The following GPD1 variants were observed in gnomAD, a reference collection of about 807,000 sequenced individuals.
GPD1 encodes glycerol-3-phosphate dehydrogenase [NAD(+)], cytoplasmic.
Under a neutral mutation model 34.4 loss-of-function variants are expected in GPD1, and 19 were observed. The observed-to-expected ratio is 0.55, with a 90% confidence interval of 0.39 to 0.81. The LOEUF is 0.81. GPD1 is among the 30% of genes least tolerant of loss of function. The probability of loss-of-function intolerance (pLI) is 0.00; values close to 1 mark genes in which losing one functional copy is unlikely to be tolerated. For synonymous variants in GPD1, 172 were observed against 174.1 expected (o/e 0.99, Z 0.09); for missense variants, 429 against 447.0 (o/e 0.96, Z 0.36).
chr12:50,108,316 G>C (rs1950998229), intron 7 of GPD1, among the ~76,000 whole-genome samples, 186 bp downstream of exon 7: 1 of 152,154 alleles, frequency 6.6e-6, no homozygotes, highest in Non-Finnish European at 1.5e-5. Flanking sequence ...GCTAGTTCAT[G>C]GTCTTTGAAC....
At chr12:50,107,901 T>C in intron 6 of GPD1, 101 bp downstream of exon 6, 1 of 1,037,408 alleles carries the variant, frequency 9.6e-7, no homozygotes, top group Non-Finnish European at 1.5e-6. Flanking sequence ...TTAAGACTGT[T>C]GTGCACATCC....
intron 3 of GPD1, 181 bp from the exon 4 acceptor site, chr12:50,106,107 C>A: frequency 1.6e-6 from 1 of 625,292 alleles, no homozygotes; most frequent in South Asian, 1.9e-5. Flanking sequence ...GGGTATGTGG[C>A]AGGACAGTTG....
At chr12:50,104,427 T>C (rs964630598) in intron 1 of GPD1, 147 bp from the exon 2 acceptor site, 1 of 734,482 alleles carries the variant, frequency 1.4e-6, no homozygotes, top group Non-Finnish European at 2.5e-6. Flanking sequence ...CACTGGGGAC[T>C]ATTTGTCATG....
Position 50,109,450 on chromosome 12 carries a change from G to C in GPD1, c.981G>C (p.Lys327Asn). The C allele has an allele frequency of 6.3e-7, 1 of 1,582,694 alleles. No homozygotes were observed. The highest frequency in any genetic ancestry group is 1.1e-5 in the South Asian group (1 of 90,532). The change falls in exon 8 of 8, where the codon AAG becomes AAC. Residue 327 changes from lysine to asparagine, a missense_variant. Transcript: ENST00000301149. ...DKFPLFMAVY[K>N]VCYEGQPVGE... is the part of the protein sequence containing the mutation. ...TTCCCTTGTTCATGGCTGTGTACAA[G>C]GTGTGCTACGAGGGCCAGCCAGTGG...
rs775222274 is a variant in GPD1, at chr12:50,104,577, C to T, written c.45C>T (p.Gly15=). ...KVCIVGSGNW[G]SAIAKIVGGN... ...CCTGTGCTCCCCCTCCCACCAGGGG[C>T]TCAGCCATCGCCAAGATCGTGGGTG... Residue 15 remains glycine (G), a synonymous_variant, in exon 2 of 8, where the codon GGC becomes GGT. Coordinates refer to ENST00000301149, the MANE Select transcript of GPD1 (RefSeq NM_005276.4). 1.9e-6 allele frequency: 3 copies of T among 1,612,576 alleles called. No individual in the cohort carries two copies. Among genetic ancestry groups the T allele is most frequent in the Non-Finnish European group, 2.5e-6 (3 of 1,178,748 alleles).
At chr12:50,107,133 C>T (rs1432155197) in intron 5 of GPD1, 5 of 686,336 alleles carry the variant, frequency 7.3e-6, no homozygotes, top group African/African-American at 1.8e-5. Flanking sequence ...CCCCCTTGCT[C>T]CTGTCCCATT....
At position 50,106,389 on chromosome 12, in the gene GPD1, C is replaced by T. The variant is rs137978062; in HGVS notation, c.462C>T (p.Ser154=). The T allele has an allele frequency of 1.3e-4, 216 of 1,613,462 alleles. No homozygotes were observed. Among genetic ancestry groups the T allele is most frequent in the Middle Eastern group, 1.2e-3 (7 of 6,080 alleles). Residue 154 remains serine (S), a synonymous_variant, in exon 4 of 8, where the codon AGC becomes AGT. Transcript: ENST00000301149. The part of the protein sequence containing the change: ...MSVLMGANIA[S]EVADEKFCET... ...TGCTGATGGGGGCCAACATTGCCAG[C>T]GAGGTGGCTGATGAGAAGTTCTGTG...
chr12:50,106,362 T>G lies in GPD1; in HGVS notation c.435T>G (p.Ser145Arg), dbSNP rs746467977. 1 of 1,612,556 alleles carries G rather than the reference T, an allele frequency of 6.2e-7. No individual in the cohort carries two copies. Among genetic ancestry groups the G allele is most frequent in the East Asian group, 2.2e-5 (1 of 44,830 alleles). The change falls in exon 4 of 8, where the codon AGT becomes AGG. Residue 145 changes from serine to arginine, a missense_variant. Transcript: ENST00000301149. The stretch of plus-strand genomic sequence containing the variant: ...GGGAGCGCCTCGGCATCCCCATGAG[T>G]GTGCTGATGGGGGCCAACATTGCCA... Reference protein sequence around the residue: ...VIGERLGIPMSVLMGANIASE... With the variant: ...VIGERLGIPMRVLMGANIASE...
rs371324329 is a variant in GPD1 at position 50,107,964 on chromosome 12, C to T, written c.847-60C>T. 51 of 1,153,364 alleles carry T rather than the reference C, an allele frequency of 4.4e-5. No individual in the cohort carries two copies. The East Asian group carries it at 4.8e-4, about 11-fold the overall frequency. The allele number at this position is 1,153,364 out of a possible 1,614,324, so 71.4% of individuals were successfully genotyped here. A position where few individuals can be genotyped will look rare whatever the true frequency, so the allele number is the denominator to read the frequency against. ...ACTCCCATCTGAGCTCCAGTCTCTC[C>T]ACCCCCTACTGACAACCCTTCTCTC... On this transcript the variant is annotated intron_variant, in intron 6 of 7. Coordinates refer to ENST00000301149, the MANE Select transcript of GPD1 (RefSeq NM_005276.4).
chr12:50,105,496 C>T, intron 2 of GPD1, 52 bp from the exon 3 acceptor site: 1 of 1,576,530 alleles, frequency 6.3e-7, no homozygotes, highest in Non-Finnish European at 8.6e-7. Flanking sequence ...TAGGGTTCCA[C>T]AGGGGCTAGG....
rs747209928 is a variant in GPD1 at position 50,105,652 on chromosome 12, T to C, written c.324T>C (p.His108=). 7.4e-6 allele frequency: 12 copies of C among 1,614,160 alleles called. No homozygotes were observed. The highest frequency in any genetic ancestry group is 9.3e-6 in the Non-Finnish European group (11 of 1,180,002). Reference sequence around the variant, plus strand: ...AGATCTGTGACCAGCTCAAGGGCCATCTGAAGGCAAACGCCACTGGCATAT... The same window carrying C: ...AGATCTGTGACCAGCTCAAGGGCCACCTGAAGGCAAACGCCACTGGCATAT... ...IGKICDQLKG[H]LKANATGISL... The change falls in exon 3 of 8, where the codon CAT becomes CAC. Residue 108 remains histidine, a synonymous_variant. Coordinates refer to ENST00000301149, the MANE Select transcript of GPD1 (RefSeq NM_005276.4).
At position 50,107,707 on chromosome 12, in the gene GPD1, C is replaced by G; in HGVS notation, c.753C>G (p.Thr251=). 3 of 1,614,032 alleles carry G rather than the reference C, an allele frequency of 1.9e-6. No individual in the cohort carries two copies. In the South Asian group the frequency reaches 3.3e-5, roughly 18 times the overall value. The change falls in exon 6 of 8, where the codon ACC becomes ACG. Residue 251 remains threonine, a synonymous_variant. Transcript: ENST00000301149. ...LFCSGPVSSA[T]FLESCGVADL... ...GCAGTGGCCCTGTGTCCTCTGCCAC[C>G]TTCTTGGAGAGCTGTGGTGTTGCTG...
chr12:50,106,003 A>G (rs1950975794), intron 3 of GPD1: 2 of 633,004 alleles, frequency 3.2e-6, no homozygotes. Context: ...TGGAGCAGTG[A>G]CTGGTCACTG....
intron 1 of GPD1, 35 bp downstream of exon 1, chr12:50,104,126 T>C (rs1377063465): frequency 6.3e-7 from 1 of 1,599,362 alleles, no homozygotes; most frequent in East Asian, 2.2e-5. Context: ...GGGGGAAGGG[T>C]AGGCCCCCCA....
At position 50,107,602 on chromosome 12, in the gene GPD1, C is replaced by T. The variant is rs1280437411; in HGVS notation, c.648C>T (p.Gly216=). The change falls in exon 6 of 8, where the codon GGC becomes GGT. Residue 216 remains glycine, a synonymous_variant. Transcript: ENST00000301149. ...VVAVGAGFCD[G]LGFGDNTKAA... The stretch of plus-strand genomic sequence containing the variant: ...CCGTGGGGGCTGGCTTCTGTGATGG[C>T]CTGGGCTTTGGCGACAACACCAAGG... The T allele has an allele frequency of 1.2e-6, 2 of 1,613,954 alleles. No individual in the cohort carries two copies. Among genetic ancestry groups the T allele is most frequent in the African/African-American group, 2.7e-5 (2 of 74,874 alleles).
rs569339039 is a variant in GPD1 at position 50,104,823 on chromosome 12, C to T, written c.219+72C>T. 5.7e-5 allele frequency: 76 copies of T among 1,323,674 alleles called. No homozygotes were observed. The African/African-American group carries it at 9.9e-4, about 17-fold the overall frequency. The allele number at this position is 1,323,674 out of a possible 1,614,324, so 82.0% of individuals were successfully genotyped here. A position where few individuals can be genotyped will look rare whatever the true frequency, so the allele number is the denominator to read the frequency against. On this transcript the variant is annotated intron_variant, in intron 2 of 7. Transcript: ENST00000301149. ...AGGAGTTGGAGCCGACCTTACTCAA[C>T]AGGTGCCTCCTGCTGAGAGGGCCGC... is the stretch of plus-strand genomic sequence containing the variant.
chr12:50,104,021 C>G lies in GPD1; in HGVS notation c.-30C>G. The stretch of plus-strand genomic sequence containing the variant: ...GGCAGAGGAGCTAGGGAGTGTGGCA[C>G]TGAGCCGGCTCAGGCAGAGACGCGG... On this transcript the variant is annotated 5_prime_UTR_variant, in exon 1 of 8. Coordinates refer to ENST00000301149, the MANE Select transcript of GPD1 (RefSeq NM_005276.4). The G allele has an allele frequency of 6.2e-7, 1 of 1,613,474 alleles. No homozygotes were observed. The highest frequency in any genetic ancestry group is 8.5e-7 in the Non-Finnish European group (1 of 1,179,506).
In GPD1 at chr12:50,108,107, C is replaced by T; in HGVS notation, c.930C>T (p.Leu310=). 1.2e-6 allele frequency: 2 copies of T among 1,607,864 alleles called. No individual in the cohort carries two copies. Among genetic ancestry groups the T allele is most frequent in the Non-Finnish European group, 8.5e-7 (1 of 1,174,772 alleles). ...PETARELYSI[L]QHKGLVDKFP... ...CAGCCCGGGAGCTATACAGCATCCTCCAGCACAAGGGCCTGGTAGACAAGT... is the reference window on the plus strand; with the variant it reads ...CAGCCCGGGAGCTATACAGCATCCTTCAGCACAAGGGCCTGGTAGACAAGT... Residue 310 remains leucine (L), a synonymous_variant, in exon 7 of 8, where the codon CTC becomes CTT. Transcript: ENST00000301149.
chr12:50,109,049 C>T (rs545653075), intron 7 of GPD1, among the ~76,000 whole-genome samples: 154 of 149,924 alleles, frequency 1.0e-3, no homozygotes, highest in African/African-American at 1.3e-3. Flanking sequence ...GCAGGAGAAT[C>T]GCTTGAACCT....
Sources: allele counts gnomAD v4.1 joint callset (sites outside exome capture counted in the v4.1 genomes callset), GRCh38; gene constraint gnomAD v4.1.1; transcripts MANE v1.5; gene names NCBI Gene and HGNC (gene_info 2026-07-23, HGNC 2026-07-21).